The following HPSE2 variants were observed in gnomAD, a reference collection of about 807,000 sequenced individuals.
The protein encoded by HPSE2 is inactive heparanase-2.
A neutral mutation model predicts 60.5 loss-of-function variants in HPSE2; 38 were observed. That is an observed-to-expected ratio of 0.63 (90% CI 0.48 to 0.82). The LOEUF (loss-of-function observed/expected upper bound fraction) is 0.82. HPSE2 is among the 40% of genes least tolerant of loss of function. The pLI is 0.00. For synonymous variants in HPSE2, 295 were observed against 293.2 expected (o/e 1.01, Z -0.06); for missense variants, 713 against 740.4 (o/e 0.96, Z 0.43).
intron 9 of HPSE2, among the ~76,000 whole-genome samples, chr10:98,504,144 A>C (rs1942117263): frequency 6.6e-6 from 1 of 152,106 alleles, no homozygotes; most frequent in African/African-American, 2.4e-5. Context: ...AATCTATTAG[A>C]TCTCTATCCT....
At chr10:98,938,270 T>A (rs1954871688) in intron 3 of HPSE2, among the ~76,000 whole-genome samples, 1 of 144,658 alleles carries the variant, frequency 6.9e-6, no homozygotes, top group African/African-American at 2.8e-5. Context: ...AGAAGAAGGC[T>A]TCAGATGATC....
intron 2 of HPSE2, among the ~76,000 whole-genome samples, chr10:99,223,971 A>T (rs1849393954): frequency 6.6e-6 from 1 of 152,110 alleles, no homozygotes; most frequent in African/African-American, 2.4e-5. Flanking sequence ...TAAGTGGAGA[A>T]GTAGAGGAAC....
intron 5 of HPSE2, among the ~76,000 whole-genome samples, chr10:98,705,599 T>C (rs879585270): frequency 6.6e-6 from 1 of 152,164 alleles, no homozygotes; most frequent in Non-Finnish European, 1.5e-5. Flanking sequence ...AATCATGTCC[T>C]TTGCAGTGAC....
chr10:98,602,944 C>T (rs571742943), intron 9 of HPSE2, among the ~76,000 whole-genome samples: 1 of 151,980 alleles, frequency 6.6e-6, no homozygotes, highest in Non-Finnish European at 1.5e-5. Flanking sequence ...TAGAGTTCAT[C>T]AAAATTAAAA....
At chr10:98,705,586 T>C (rs1469853665) in intron 5 of HPSE2, among the ~76,000 whole-genome samples, 3 of 152,050 alleles carry the variant, frequency 2.0e-5, no homozygotes, top group Non-Finnish European at 2.9e-5. Flanking sequence ...TTAAAAGGAA[T>C]GAAATCATGT....
At chr10:99,108,891 T>C (rs1475293531) in intron 3 of HPSE2, among the ~76,000 whole-genome samples, 1 of 152,182 alleles carries the variant, frequency 6.6e-6, no homozygotes, top group Non-Finnish European at 1.5e-5. Flanking sequence ...AGGTAAGACA[T>C]CCACATAGTG....
chr10:99,132,176 AG>A (rs1167276754), intron 3 of HPSE2, among the ~76,000 whole-genome samples: 598 of 8,642 alleles, frequency 0.069, 45 homozygotes, highest in Non-Finnish European at 0.21. Context: ...AAAGAAAGAA[AG>A]AAAGAAAGAA....
At position 98,641,832 on chromosome 10, in the gene HPSE2, G is replaced by T. The variant is rs767081319; in HGVS notation, c.1098+15C>A. 1.3e-6 allele frequency: 2 copies of T among 1,582,740 alleles called. No homozygotes were observed. The highest frequency in any genetic ancestry group is 1.7e-6 in the Non-Finnish European group (2 of 1,151,672). On this transcript the variant is annotated intron_variant, in intron 7 of 11. Transcript: ENST00000370552. ...CCAGAATCGCTCCTTTTCTTCCCAG[G>T]ATACTTTTACTCACTTTCTGAATTT...
At chr10:98,671,019 G>A (rs1325621641) in intron 6 of HPSE2, among the ~76,000 whole-genome samples, 2 of 152,152 alleles carry the variant, frequency 1.3e-5, no homozygotes, top group Non-Finnish European at 2.9e-5. Context: ...TCTGAGAATC[G>A]TGTTGGTGTT....
intron 3 of HPSE2, among the ~76,000 whole-genome samples, chr10:98,865,723 G>T (rs187285716): frequency 6.6e-6 from 1 of 152,066 alleles, no homozygotes; most frequent in African/African-American, 2.4e-5. Flanking sequence ...AAAGTTATAA[G>T]GAATAATGTG....
At chr10:98,777,267 A>G (rs1414957) in intron 3 of HPSE2, among the ~76,000 whole-genome samples, 16,107 of 152,142 alleles carry the variant, frequency 0.11, 2,125 homozygotes, top group African/African-American at 0.3. Context: ...AGTAAACACA[A>G]TAACACAATT....
intron 8 of HPSE2, among the ~76,000 whole-genome samples, chr10:98,620,101 T>C (rs77447723): frequency 0.018 from 2,742 of 152,328 alleles, 95 homozygotes; most frequent in African/African-American, 0.063. Flanking sequence ...TGTTAAATTA[T>C]GAAATATAAA....
Position 98,619,222 on chromosome 10 carries a change from T to C in HPSE2, c.1205+1380A>G, listed in dbSNP as rs75372310. Among the ~76,000 whole-genome samples the C allele has an allele frequency of 3.6e-4, 55 of 152,288 alleles. 2 individuals are homozygous for C. The East Asian group carries it at 0.011, about 29-fold the overall frequency. ...TAGCTGAGGGCAAAGCTATGGTTCT[T>C]AGGAGGACATTGCTCAGTCAAAAAT... On this transcript the variant is annotated intron_variant, in intron 8 of 11. Transcript: ENST00000370552.
At chr10:99,301,553 T>C in the HPSE2 span, among the ~76,000 whole-genome samples, 1 of 152,316 alleles carries the variant, frequency 6.6e-6, no homozygotes, top group African/African-American at 2.4e-5. Context: ...ATTAAACCTC[T>C]TTCCTTTGCA....
intron 5 of HPSE2, among the ~76,000 whole-genome samples, chr10:98,708,892 A>T (rs1450186816): frequency 2.0e-5 from 3 of 152,334 alleles, no homozygotes; most frequent in East Asian, 3.9e-4. Flanking sequence ...GAAATAACTC[A>T]TGAAGAAAAA....
chr10:98,796,922 C>A (rs1002576438), intron 3 of HPSE2, among the ~76,000 whole-genome samples: 1 of 152,196 alleles, frequency 6.6e-6, no homozygotes, highest in East Asian at 1.9e-4. Flanking sequence ...TATCCAAGAC[C>A]ACCAAGGTGG....
intron 9 of HPSE2, among the ~76,000 whole-genome samples, chr10:98,608,815 C>T (rs1043081509): frequency 3.9e-5 from 6 of 151,980 alleles, no homozygotes; most frequent in South Asian, 4.2e-4. Context: ...ATGGCTCCCA[C>T]GGGAAAGAAA....
upstream of HPSE2, among the ~76,000 whole-genome samples, chr10:99,240,073 C>T (rs534973244): frequency 2.0e-5 from 3 of 151,952 alleles, no homozygotes; most frequent in East Asian, 5.9e-4. Flanking sequence ...CCTGTAATCC[C>T]AACTACTCAG....
chr10:98,799,613 AAATT>A (rs1217440071), intron 3 of HPSE2, among the ~76,000 whole-genome samples: 1 of 152,226 alleles, frequency 6.6e-6, no homozygotes, highest in African/African-American at 2.4e-5. Context: ...ATAAAACTAT[AAATT>A]AATAACAAGA....
Sources: gnomAD v4.1 joint callset for allele counts (sites outside exome capture counted in the v4.1 genomes callset) on GRCh38, gnomAD v4.1.1 for gene constraint, MANE v1.5 for transcripts, NCBI Gene and HGNC (gene_info 2026-07-23, HGNC 2026-07-21) for gene names.